The following CA10 variants were observed in gnomAD, a reference collection of about 807,000 sequenced individuals.
CA10 encodes the protein carbonic anhydrase 10 (inactive).
Under a neutral mutation model 44.2 loss-of-function variants are expected in CA10, and 14 were observed. The observed-to-expected ratio is 0.32, with a 90% CI of 0.21 to 0.50. CA10 has a LOEUF of 0.50. Ranked by LOEUF, CA10 falls within the 20% of genes least tolerant of loss-of-function variation. The pLI is 0.99. For missense variants in CA10, 350 were observed against 409.7 expected, an observed-to-expected ratio of 0.85 and a Z score of 1.26; for synonymous variants, 159 against 141.6, an observed-to-expected ratio of 1.12 and a Z score of -0.87.
chr17:51,800,733 A>G (rs1304722758), intron 3 of CA10, among the ~76,000 whole-genome samples: 1 of 152,246 alleles, frequency 6.6e-6, no homozygotes, highest in African/African-American at 2.4e-5. Context: ...TGGAAAATGT[A>G]TATTAGAATC....
chr17:51,946,542 C>T (rs149268963), intron 2 of CA10, among the ~76,000 whole-genome samples: 1 of 152,226 alleles, frequency 6.6e-6, no homozygotes, highest in East Asian at 1.9e-4. Context: ...TGGCCTCTGG[C>T]TGGATGAGAG....
intron 3 of CA10, among the ~76,000 whole-genome samples, chr17:51,875,907 T>C (rs1277433581): frequency 6.6e-6 from 1 of 152,318 alleles, no homozygotes; most frequent in East Asian, 1.9e-4. Context: ...ATAAATGGAA[T>C]AATATAAAAC....
intron 2 of CA10, among the ~76,000 whole-genome samples, chr17:51,955,383 CA>C (rs1983628818): frequency 6.6e-6 from 1 of 152,128 alleles, no homozygotes; most frequent in South Asian, 2.1e-4. Context: ...CTTAGCATAG[CA>C]AGCCAGGTGC....
intron 3 of CA10, among the ~76,000 whole-genome samples, chr17:51,825,326 G>A (rs1188981476): frequency 1.3e-5 from 2 of 151,878 alleles, no homozygotes; most frequent in Non-Finnish European, 2.9e-5. Flanking sequence ...AACTCTGCTG[G>A]GACCATCTTT....
rs572404627 is a variant in CA10 at position 51,700,895 on chromosome 17, C to A, written c.465+46738G>T. Among the ~76,000 whole-genome samples, 30 of 152,166 alleles carry A rather than the reference C, an allele frequency of 2.0e-4. 1 individual carries two copies. The highest frequency in any genetic ancestry group is 7.2e-4 in the African/African-American group (30 of 41,506). Reference sequence around the variant, plus strand: ...GAACACATGGACACAGGGAGGGAAACCACACACCCCGGGGCCTATGGGGGT... The same window carrying A: ...GAACACATGGACACAGGGAGGGAAAACACACACCCCGGGGCCTATGGGGGT... On this transcript the variant is annotated intron_variant, in intron 4 of 8. Coordinates refer to ENST00000451037, the MANE Select transcript of CA10 (RefSeq NM_020178.5).
At chr17:51,752,602 G>T (rs1198003579) in intron 3 of CA10, among the ~76,000 whole-genome samples, 1 of 152,028 alleles carries the variant, frequency 6.6e-6, no homozygotes, top group Non-Finnish European at 1.5e-5. Context: ...GTAAGCAAAT[G>T]CAAGTGTCCT....
intron 3 of CA10, among the ~76,000 whole-genome samples, chr17:51,892,608 T>G (rs911401442): frequency 1.3e-5 from 2 of 152,154 alleles, no homozygotes; most frequent in Admixed American, 1.3e-4. Context: ...ATGGCCAATA[T>G]GGGTTAGTTG....
intron 6 of CA10, among the ~76,000 whole-genome samples, chr17:51,638,145 A>C (rs1046723204): frequency 1.2e-4 from 18 of 152,200 alleles, no homozygotes; most frequent in Admixed American, 9.8e-4. Context: ...GGGAACTTGA[A>C]TTTCAGTGTT....
intron 2 of CA10, among the ~76,000 whole-genome samples, chr17:51,972,077 T>C (rs1449843723): frequency 2.0e-5 from 3 of 152,084 alleles, no homozygotes; most frequent in Non-Finnish European, 4.4e-5. Flanking sequence ...TATGTAATTA[T>C]ATAACAAAAT....
intron 1 of CA10, among the ~76,000 whole-genome samples, chr17:52,109,627 G>A (rs1668297844): frequency 6.6e-6 from 1 of 152,198 alleles, no homozygotes; most frequent in African/African-American, 2.4e-5. Context: ...AGTTTCTAGG[G>A]ACTGGAAATT....
At chr17:51,824,295 GA>G (rs1265561492) in intron 3 of CA10, among the ~76,000 whole-genome samples, 3 of 152,164 alleles carry the variant, frequency 2.0e-5, no homozygotes, top group Admixed American at 6.5e-5. Flanking sequence ...TGTGCCAGAT[GA>G]GTTCAAAGAT....
rs184999232 is a variant in CA10 at position 52,041,614 on chromosome 17, G to A, written c.136+30705C>T. Among the ~76,000 whole-genome samples the A allele has an allele frequency of 2.5e-4, 38 of 152,080 alleles. 1 individual carries two copies. In the South Asian group the frequency reaches 3.5e-3, roughly 14 times the overall value. On this transcript the variant is annotated intron_variant, in intron 2 of 8. Transcript: ENST00000451037. ...TGATAACACAAGATCTACTCCTTTCGTGAATTAAAGTATACAATATGATAT... is the reference window on the plus strand; with the variant it reads ...TGATAACACAAGATCTACTCCTTTCATGAATTAAAGTATACAATATGATAT...
chr17:51,891,787 A>G (rs973017186), intron 3 of CA10, among the ~76,000 whole-genome samples: 3 of 152,124 alleles, frequency 2.0e-5, no homozygotes, highest in Non-Finnish European at 2.9e-5. Flanking sequence ...TTTCACTCTC[A>G]CGATGGGAAT....
chr17:52,149,973 T>C (rs1370942277), intron 1 of CA10, among the ~76,000 whole-genome samples: 2 of 152,214 alleles, frequency 1.3e-5, no homozygotes. Context: ...TTTACTGACA[T>C]TATTATATGC....
In CA10 at chr17:52,094,160, G is replaced by A. The variant is rs905735771; in HGVS notation, c.62-21767C>T. 3.3e-5 allele frequency among the ~76,000 whole-genome samples: 5 copies of A among 152,204 alleles called. No homozygotes were observed. The East Asian group carries it at 5.8e-4, about 18-fold the overall frequency. ...AGCCTGCGGGGTGTGGGGGCTGGGG[G>A]AGGAATAACATTAGGAGAAATACCT... On this transcript the variant is annotated intron_variant, in intron 1 of 8. Coordinates refer to ENST00000451037, the MANE Select transcript of CA10 (RefSeq NM_020178.5).
chr17:51,961,929 T>C (rs1342870851), intron 2 of CA10, among the ~76,000 whole-genome samples: 1 of 152,126 alleles, frequency 6.6e-6, no homozygotes, highest in African/African-American at 2.4e-5. Context: ...ACAGAAATCA[T>C]GGTGCATCCA....
chr17:52,051,000 G>GGAAGGAAGGAAGGAAC (rs1272997009), intron 2 of CA10, among the ~76,000 whole-genome samples: 11 of 149,542 alleles, frequency 7.4e-5, no homozygotes, highest in Non-Finnish European at 1.2e-4. Flanking sequence ...AGGGAAGGAA[G>GGAAGGAAGGAAGGAAC]GAAGGAAGGA....
intron 4 of CA10, among the ~76,000 whole-genome samples, chr17:51,711,886 TC>T (rs901492348): frequency 2.0e-5 from 3 of 151,912 alleles, no homozygotes; most frequent in Admixed American, 1.3e-4. Context: ...CAGAGGGCAG[TC>T]CCCCAGGAAA....
chr17:51,924,891 A>C (rs1320467322), intron 3 of CA10, among the ~76,000 whole-genome samples: 3 of 152,170 alleles, frequency 2.0e-5, no homozygotes, highest in Non-Finnish European at 2.9e-5. Flanking sequence ...AGGTATCCAG[A>C]AATCAAAAGG....
Sources: gnomAD v4.1 joint callset for allele counts (sites outside exome capture counted in the v4.1 genomes callset) on GRCh38, gnomAD v4.1.1 for gene constraint, MANE v1.5 for transcripts, NCBI Gene and HGNC (gene_info 2026-07-23, HGNC 2026-07-21) for gene names.